Variants in ASAP1 observed in about 807,000 individuals in gnomAD.
The protein encoded by ASAP1 is ArfGAP with SH3 domain, ankyrin repeat and PH domain 1.
A neutral mutation model predicts 145.2 loss-of-function variants in ASAP1; 43 were observed. The observed-to-expected ratio is 0.30, with a 90% CI of 0.23 to 0.38. ASAP1 has a LOEUF of 0.38. ASAP1 is among the 10% of genes least tolerant of loss of function. The pLI is 1.00. For synonymous variants in ASAP1, 546 were observed against 515.5 expected (o/e 1.06, Z -0.80); for missense variants, 1,018 against 1,355.3 (o/e 0.75, Z 3.91).
At chr8:130,130,656 A>G (rs1465065036) in intron 15 of ASAP1, among the ~76,000 whole-genome samples, 1 of 152,212 alleles carries the variant, frequency 6.6e-6, no homozygotes, top group African/African-American at 2.4e-5. Context: ...CACTGTGCTA[A>G]GGGCTTTACA....
intron 1 of ASAP1, among the ~76,000 whole-genome samples, chr8:130,441,709 C>T (rs1384135559): frequency 1.3e-5 from 2 of 152,190 alleles, no homozygotes; most frequent in Admixed American, 6.5e-5. Flanking sequence ...AAATCTGGCT[C>T]GCTGTGGCTG....
intron 3 of ASAP1, among the ~76,000 whole-genome samples, chr8:130,355,857 G>A (rs181309594): frequency 4.6e-5 from 7 of 152,162 alleles, no homozygotes; most frequent in Admixed American, 3.9e-4. Context: ...TATGCCGACC[G>A]GAGACAATGT....
chr8:130,072,818 T>TGCGCGCGCGCGCGC (rs1564927913), intron 27 of ASAP1, among the ~76,000 whole-genome samples: 1 of 26,226 alleles, frequency 3.8e-5, no homozygotes, highest in Non-Finnish European at 8.0e-5. Context: ...TGTGTGTGTG[T>TGCGCGCGCGCGCGC]GTGTGTGCGC....
At chr8:130,201,442 T>C (rs1352391371) in intron 5 of ASAP1, among the ~76,000 whole-genome samples, 2 of 152,234 alleles carry the variant, frequency 1.3e-5, no homozygotes, top group African/African-American at 4.8e-5. Flanking sequence ...TACCAGGGAA[T>C]ATGAGAATTC....
intron 12 of ASAP1, 65 bp downstream of exon 12, chr8:130,159,799 T>A: frequency 7.7e-7 from 1 of 1,295,846 alleles, no homozygotes; most frequent in Non-Finnish European, 1.1e-6. Context: ...TTTCCCTATA[T>A]GAGAGACTGG....
At chr8:130,070,332 C>T (rs546265146) in intron 27 of ASAP1, among the ~76,000 whole-genome samples, 26 of 152,250 alleles carry the variant, frequency 1.7e-4, no homozygotes, top group Non-Finnish European at 2.8e-4. Context: ...CCACCGTGCC[C>T]GGCCGACTGC....
chr8:130,418,776 GTT>G (rs11340723), intron 1 of ASAP1, among the ~76,000 whole-genome samples: 52 of 146,932 alleles, frequency 3.5e-4, no homozygotes, highest in African/African-American at 5.7e-4. Flanking sequence ...AAAAATAGGA[GTT>G]TTTTTTTTTT....
chr8:130,383,792 GC>G (rs1411481843), intron 2 of ASAP1, among the ~76,000 whole-genome samples: 17 of 152,204 alleles, frequency 1.1e-4, no homozygotes, highest in Non-Finnish European at 2.2e-4. Flanking sequence ...GCCAGCACTA[GC>G]CTTGGATTTT....
intron 3 of ASAP1, among the ~76,000 whole-genome samples, chr8:130,357,612 C>A (rs1446501232): frequency 6.6e-6 from 1 of 152,262 alleles, no homozygotes. Context: ...TGCCCATCTC[C>A]TAGTCCCTTG....
chr8:130,118,418 G>C, intron 19 of ASAP1, 71 bp downstream of exon 19: 1 of 1,490,710 alleles, frequency 6.7e-7, no homozygotes, highest in Non-Finnish European at 9.1e-7. Context: ...ATGGTATAAT[G>C]TTAAAATAAG....
At chr8:130,239,275 C>T (rs1339123247) in intron 3 of ASAP1, among the ~76,000 whole-genome samples, 1 of 152,058 alleles carries the variant, frequency 6.6e-6, no homozygotes, top group Non-Finnish European at 1.5e-5. Flanking sequence ...GGGAAGATAA[C>T]TAATATTTAA....
intron 7 of ASAP1, among the ~76,000 whole-genome samples, chr8:130,185,758 A>C (rs957644522): frequency 1.1e-4 from 16 of 151,586 alleles, no homozygotes; most frequent in African/African-American, 3.9e-4. Context: ...AGAAAAAGAA[A>C]AAGAAAAAAA....
At chr8:130,348,953 T>C (rs1347098686) in intron 3 of ASAP1, among the ~76,000 whole-genome samples, 1 of 152,218 alleles carries the variant, frequency 6.6e-6, no homozygotes, top group Non-Finnish European at 1.5e-5. Flanking sequence ...AAGGGGCAGC[T>C]TTCACACACC....
At chr8:130,341,225 G>C (rs1167510389) in intron 3 of ASAP1, among the ~76,000 whole-genome samples, 5 of 151,996 alleles carry the variant, frequency 3.3e-5, no homozygotes, top group African/African-American at 1.2e-4. Flanking sequence ...CGCCAGGAAG[G>C]CCACCCTGTT....
At chr8:130,217,361 T>TATA (rs571603200) in intron 4 of ASAP1, among the ~76,000 whole-genome samples, 124 of 152,280 alleles carry the variant, frequency 8.1e-4, no homozygotes, top group Non-Finnish European at 1.5e-3. Flanking sequence ...TACTTTTCTT[T>TATA]ATAAAGTCTT....
chr8:130,415,560 G>A (rs1829440491), intron 1 of ASAP1, among the ~76,000 whole-genome samples: 1 of 152,180 alleles, frequency 6.6e-6, no homozygotes, highest in African/African-American at 2.4e-5. Flanking sequence ...GGCTGAGGCT[G>A]GTGGATCACC....
intron 28 of ASAP1, 64 bp from the exon 29 acceptor site, chr8:130,058,140 T>A (rs1204204190): frequency 1.4e-5 from 22 of 1,581,504 alleles, no homozygotes; most frequent in Non-Finnish European, 1.9e-5. Flanking sequence ...GAGCAGCGGT[T>A]CTTTGTAAAA....
intron 1 of ASAP1, among the ~76,000 whole-genome samples, chr8:130,406,892 T>C (rs1185934298): frequency 6.6e-6 from 1 of 152,196 alleles, no homozygotes; most frequent in Non-Finnish European, 1.5e-5. Flanking sequence ...GCTATTCCTC[T>C]TAAGCTATCT....
intron 2 of ASAP1, among the ~76,000 whole-genome samples, chr8:130,374,101 C>T (rs1351974624): frequency 6.8e-6 from 1 of 147,016 alleles, no homozygotes; most frequent in East Asian, 2.0e-4. Flanking sequence ...GTCAAAAGAC[C>T]TGCAATCAAA....
Sources: gnomAD v4.1 joint callset for allele counts (sites outside exome capture counted in the v4.1 genomes callset) on GRCh38, gnomAD v4.1.1 for gene constraint, MANE v1.5 for transcripts, NCBI Gene and HGNC (gene_info 2026-07-23, HGNC 2026-07-21) for gene names.